Variants in SELPLG observed in about 807,000 individuals in gnomAD.
The protein encoded by SELPLG is selectin P ligand.
SELPLG carries 2 observed loss-of-function variants against 1.1 expected under a neutral mutation model. That is an observed-to-expected ratio of 1.82 (90% confidence interval 0.74 to 5.71). SELPLG has a LOEUF of 5.71. SELPLG is among the 30% of genes most tolerant of loss of function. The probability of loss-of-function intolerance (pLI) is 0.05; values close to 1 mark genes in which losing one functional copy is unlikely to be tolerated. For synonymous variants in SELPLG, 230 were observed against 221.2 expected (o/e 1.04, Z -0.35); for missense variants, 478 against 524.7 (o/e 0.91, Z 0.87).
chr12:108,632,847 T>C (rs1242854622), intron 1 of SELPLG, among the ~76,000 whole-genome samples: 1 of 152,060 alleles, frequency 6.6e-6, no homozygotes, highest in Non-Finnish European at 1.5e-5. Context: ...TATTATTGTT[T>C]TCCCTTTTGC....
In SELPLG at chr12:108,623,426, C is replaced by G. The variant is rs569775105; in HGVS notation, c.882G>C (p.Lys294Asn). ...IPFSVSSVTH[K>N]GIPMAASNLS... is the part of the protein sequence containing the mutation. ...AATTGCTGGCTGCCATGGGAATGCCCTTGTGAGTAACAGAGGACACAGAAA... is the reference window on the plus strand; with the variant it reads ...AATTGCTGGCTGCCATGGGAATGCCGTTGTGAGTAACAGAGGACACAGAAA... Residue 294 changes from lysine to asparagine, a missense_variant, in exon 2 of 2, where the codon AAG becomes AAC. Coordinates refer to ENST00000550948, the MANE Select transcript of SELPLG (RefSeq NM_003006.4). 1.2e-6 allele frequency: 2 copies of G among 1,614,252 alleles called. No homozygotes were observed. The highest frequency in any genetic ancestry group is 4.5e-5 in the East Asian group (2 of 44,892).
intron 1 of SELPLG, chr12:108,631,949 C>A: frequency 9.8e-6 from 15 of 1,535,224 alleles, no homozygotes; most frequent in Non-Finnish European, 1.2e-5. Flanking sequence ...GGCCTAGGGT[C>A]ACCACGAACT....
Position 108,624,183 on chromosome 12 carries a change from T to C in SELPLG, c.125A>G (p.Gln42Arg). ...ATCTAGGTACTCATATTCGGTGGCC[T>C]GTCTCCGGTCCCGGGCAAGCAGGGG... ...LGPLLARDRR[Q>R]ATEYEYLDYD... Residue 42 changes from glutamine (Q) to arginine (R), a missense_variant, in exon 2 of 2, where the codon CAG becomes CGG. By Grantham distance (43) the Gln-to-Arg change is conservative. Transcript: ENST00000550948. 1 of 1,614,210 alleles carries C rather than the reference T, an allele frequency of 6.2e-7. No homozygotes were observed. Among genetic ancestry groups the C allele is most frequent in the Non-Finnish European group, 8.5e-7 (1 of 1,180,028 alleles).
At chr12:108,632,558 G>A (rs747531713) in intron 1 of SELPLG, among the ~76,000 whole-genome samples, 31 of 151,388 alleles carry the variant, frequency 2.0e-4, no homozygotes, top group East Asian at 7.8e-4. Context: ...TCTGCCACCC[G>A]GGTTGGAGTG....
At position 108,623,548 on chromosome 12, in the gene SELPLG, T is replaced by A; in HGVS notation, c.760A>T (p.Thr254Ser). ...AGGGCCTCCATGGCTGCCAGTGGAG[T>A]GGTCTGTGCCTCCGTGGCTGTGGGT... ...TQPTATEAQT[T>S]PLAAMEALST... is the part of the protein sequence containing the mutation. The change falls in exon 2 of 2, where the codon ACT becomes TCT. Residue 254 changes from threonine (T) to serine (S), a missense_variant. Coordinates refer to ENST00000550948, the MANE Select transcript of SELPLG (RefSeq NM_003006.4). 6.2e-7 allele frequency: 1 copy of A among 1,613,966 alleles called. No individual in the cohort carries two copies.
chr12:108,624,557 T>C (rs2031899449), intron 1 of SELPLG, among the ~76,000 whole-genome samples: 1 of 152,196 alleles, frequency 6.6e-6, no homozygotes, highest in South Asian at 2.1e-4. Flanking sequence ...TTCTAGATGG[T>C]GCATAGAAAT....
intron 1 of SELPLG, chr12:108,628,692 G>A (rs7138370): frequency 1.3e-5 from 2 of 152,268 alleles, no homozygotes; most frequent in South Asian, 2.1e-4. Context: ...CTTGCAGCAG[G>A]CCGGAGGCTG....
chr12:108,623,302 C>T lies in SELPLG; in HGVS notation c.1006G>A (p.Val336Met), dbSNP rs771908051. The change falls in exon 2 of 2, where the codon GTG (valine) becomes ATG (methionine). Residue 336 changes from valine to methionine, a missense_variant. Physicochemically the swap from Val to Met is conservative, Grantham distance 21. Transcript: ENST00000550948. ...CGGACCGCCAGCACCACAGTGCACA[C>T]GAAGAAGATAGTGGCCACCAGCGCC... ...ILALVATIFF[V>M]CTVVLAVRLS... 7 of 1,614,174 alleles carry T rather than the reference C, an allele frequency of 4.3e-6. No individual in the cohort carries two copies. The highest frequency in any genetic ancestry group is 4.5e-5 in the East Asian group (2 of 44,874).
At chr12:108,633,677 G>A (rs1277888532) in intron 1 of SELPLG, 63 bp downstream of exon 1, 2 of 152,454 alleles carry the variant, frequency 1.3e-5, no homozygotes, top group East Asian at 3.9e-4. Flanking sequence ...GCAGCTATAA[G>A]GCAGGCCCTT....
Position 108,623,255 on chromosome 12 carries a change from C to A in SELPLG, c.1053G>T (p.Met351Ile). The part of the protein sequence containing the change: ...LAVRLSRKGH[M>I]YPVRNYSPTE... ...TGGGGGAGTAATTACGCACGGGGTA[C>A]ATGTGGCCCTTGCGGGAGAGGCGGA... Residue 351 changes from methionine (M) to isoleucine (I), a missense_variant, in exon 2 of 2, where the codon ATG becomes ATT. Coordinates refer to ENST00000550948, the MANE Select transcript of SELPLG (RefSeq NM_003006.4). 1 of 1,614,040 alleles carries A rather than the reference C, an allele frequency of 6.2e-7. No homozygotes were observed. Among genetic ancestry groups the A allele is most frequent in the Non-Finnish European group, 8.5e-7 (1 of 1,179,958 alleles).
At chr12:108,625,419 G>A (rs1340723245) in intron 1 of SELPLG, among the ~76,000 whole-genome samples, 1 of 152,182 alleles carries the variant, frequency 6.6e-6, no homozygotes, top group Non-Finnish European at 1.5e-5. Flanking sequence ...TAAAATGAAG[G>A]GATGCATGCA....
At position 108,623,368 on chromosome 12, in the gene SELPLG, G is replaced by T. The variant is rs747023215; in HGVS notation, c.940C>A (p.His314Asn). 1 of 1,614,272 alleles carries T rather than the reference G, an allele frequency of 6.2e-7. No individual in the cohort carries two copies. Among genetic ancestry groups the T allele is most frequent in the South Asian group, 1.1e-5 (1 of 91,088 alleles). The part of the protein sequence containing the change: ...SVNYPVGAPD[H>N]ISVKQCLLAI... Reference sequence around the variant, plus strand: ...AGCAGGCACTGCTTCACAGAGATGTGGTCTGGGGCCCCCACTGGGTAGTTG... The same window carrying T: ...AGCAGGCACTGCTTCACAGAGATGTTGTCTGGGGCCCCCACTGGGTAGTTG... The change falls in exon 2 of 2, where the codon CAC becomes AAC. Residue 314 changes from histidine (H) to asparagine (N), a missense_variant. Physicochemically the swap from His to Asn is moderately conservative, Grantham distance 68. Transcript: ENST00000550948.
intron 1 of SELPLG, among the ~76,000 whole-genome samples, chr12:108,630,708 GGTT>G (rs2032031359): frequency 6.6e-6 from 1 of 152,156 alleles, no homozygotes; most frequent in South Asian, 2.1e-4. Flanking sequence ...CTTTTTATGG[GGTT>G]GTTGTGGGTT....
chr12:108,632,031 T>C, intron 1 of SELPLG: 1 of 1,107,482 alleles, frequency 9.0e-7, no homozygotes, highest in South Asian at 1.4e-5. Flanking sequence ...CTCAGTTTTC[T>C]CATCTGTAAA....
intron 1 of SELPLG, among the ~76,000 whole-genome samples, chr12:108,631,480 C>T (rs2032051172): frequency 6.6e-6 from 1 of 152,162 alleles, no homozygotes; most frequent in Non-Finnish European, 1.5e-5. Flanking sequence ...AACTCCTGGG[C>T]TCAAGCAATC....
chr12:108,623,527 C>A lies in SELPLG; in HGVS notation c.781G>T (p.Ala261Ser), dbSNP rs542131254. Reference sequence around the variant, plus strand: ...GTGGCACTGGGTTCTGTGGACAGGGCCTCCATGGCTGCCAGTGGAGTGGTC... The same window carrying A: ...GTGGCACTGGGTTCTGTGGACAGGGACTCCATGGCTGCCAGTGGAGTGGTC... ...AQTTPLAAME[A>S]LSTEPSATEA... The change falls in exon 2 of 2, where the codon GCC becomes TCC. Residue 261 changes from alanine (A) to serine (S), a missense_variant. Transcript: ENST00000550948. 1 of 1,614,266 alleles carries A rather than the reference C, an allele frequency of 6.2e-7. No individual in the cohort carries two copies. Among genetic ancestry groups the A allele is most frequent in the African/African-American group, 1.3e-5 (1 of 75,062 alleles).
intron 1 of SELPLG, among the ~76,000 whole-genome samples, chr12:108,633,208 A>G (rs554015217): frequency 6.6e-6 from 1 of 152,312 alleles, no homozygotes; most frequent in Non-Finnish European, 1.5e-5. Flanking sequence ...CAGGGAGGGA[A>G]GTAAGTTAAT....
chr12:108,624,428 G>A, intron 1 of SELPLG, 116 bp from the exon 2 acceptor site: 1 of 919,504 alleles, frequency 1.1e-6, no homozygotes, highest in East Asian at 2.6e-5. Context: ...GTCTGGAGCA[G>A]GGACTGGGGA....
At chr12:108,626,995 T>C (rs915408247) in intron 1 of SELPLG, among the ~76,000 whole-genome samples, 20 of 152,062 alleles carry the variant, frequency 1.3e-4, no homozygotes, top group Admixed American at 1.2e-3. Flanking sequence ...TTCCAGCTAT[T>C]TGGGAGGCCA....
Sources: gnomAD v4.1 joint callset for allele counts (sites outside exome capture counted in the v4.1 genomes callset) on GRCh38, gnomAD v4.1.1 for gene constraint, MANE v1.5 for transcripts, NCBI Gene and HGNC (gene_info 2026-07-23, HGNC 2026-07-21) for gene names.